CCL24: variants seen among roughly 807,000 people sequenced by gnomAD.
The protein encoded by CCL24 is C-C motif chemokine 24.
CCL24 carries 6 observed loss-of-function variants against 8.6 expected under a neutral mutation model. The observed-to-expected ratio is 0.70, with a 90% CI of 0.38 to 1.38. CCL24 has a LOEUF of 1.38. Ranked by LOEUF, CCL24 falls within the 40% of genes most tolerant of loss-of-function variation. The pLI is 0.02. For synonymous variants in CCL24, 59 were observed against 52.7 expected, an observed-to-expected ratio of 1.12 and a Z score of -0.52; for missense variants, 126 against 147.1, an observed-to-expected ratio of 0.86 and a Z score of 0.74.
chr7:75,812,319 T>A (rs1803786696), intron 2 of CCL24, among the ~76,000 whole-genome samples: 1 of 152,094 alleles, frequency 6.6e-6, no homozygotes, highest in Admixed American at 6.6e-5. Flanking sequence ...ACTCCTGGCC[T>A]TAAGCAACCC....
upstream of CCL24, among the ~76,000 whole-genome samples, chr7:75,818,446 CAAAA>C (rs782549486): frequency 7.1e-5 from 5 of 70,118 alleles, no homozygotes; most frequent in Non-Finnish European, 5.8e-5. Context: ...GACTCCGTCT[CAAAA>C]AAAAAAAAAA....
intron 1 of CCL24, among the ~76,000 whole-genome samples, chr7:75,820,067 CTTCTTCTTCTTCTTCTTCTTCCTCT>C (rs1563353817): frequency 1.5e-5 from 2 of 135,560 alleles, no homozygotes; most frequent in African/African-American, 5.2e-5. Flanking sequence ...TCTTCTTCTT[CTTCTTCTTCTTCTTCTTCTTCCTCT>C]TCTTCTTCTT....
At chr7:75,812,064 C>T (rs1301099478) in intron 2 of CCL24, 100 bp from the exon 3 acceptor site, 21 of 958,974 alleles carry the variant, frequency 2.2e-5, no homozygotes, top group Non-Finnish European at 3.0e-5. Context: ...GACAGTAAGG[C>T]TTCCTTGCAA....
upstream of CCL24, among the ~76,000 whole-genome samples, chr7:75,816,861 CAAAA>C (rs57957590): frequency 8.1e-5 from 8 of 98,332 alleles, no homozygotes; most frequent in Non-Finnish European, 8.5e-5. Flanking sequence ...TGCACCTGGC[CAAAA>C]AAAAAAAAAA....
At chr7:75,820,882 T>C (rs1298758090) in intron 1 of CCL24, among the ~76,000 whole-genome samples, 1 of 150,658 alleles carries the variant, frequency 6.6e-6, no homozygotes, top group African/African-American at 2.4e-5. Context: ...CACTCATCTA[T>C]CCATCCATCC....
rs374594608 is a variant in CCL24, at chr7:75,811,196, A to G, written c.*600T>C. Among the ~76,000 whole-genome samples, 23 of 151,634 alleles carry G rather than the reference A, an allele frequency of 1.5e-4. No individual in the cohort carries two copies. The East Asian group carries it at 2.7e-3, about 18-fold the overall frequency. Reference sequence around the variant, plus strand: ...TTTTTTTCAACATAAAAGTTTGAGTAGGCTGGGTGTGGTGGCTCATGCCTG... The same window carrying G: ...TTTTTTTCAACATAAAAGTTTGAGTGGGCTGGGTGTGGTGGCTCATGCCTG... On this transcript the variant is annotated 3_prime_UTR_variant, in exon 3 of 3. Transcript: ENST00000222902.
upstream of CCL24, among the ~76,000 whole-genome samples, chr7:75,815,876 C>T (rs62477635): frequency 0.13 from 19,166 of 152,232 alleles, 1,453 homozygotes; most frequent in Non-Finnish European, 0.17. Flanking sequence ...GTTCATATTG[C>T]TACTGACAGG....
chr7:75,821,199 G>A (rs1389078387), intron 1 of CCL24, among the ~76,000 whole-genome samples: 1 of 152,192 alleles, frequency 6.6e-6, no homozygotes. Context: ...ACCAAGGGGA[G>A]TTGGGCTTGA....
intron 1 of CCL24, among the ~76,000 whole-genome samples, chr7:75,822,521 C>A (rs192745342): frequency 1.3e-5 from 2 of 152,134 alleles, no homozygotes; most frequent in African/African-American, 4.8e-5. Flanking sequence ...TCTTATTGTC[C>A]CCATGTCACC....
chr7:75,812,010 T>C, intron 2 of CCL24, 46 bp from the exon 3 acceptor site: 7 of 1,553,562 alleles, frequency 4.5e-6, no homozygotes, highest in Non-Finnish European at 6.1e-6. Context: ...GACAGGGACC[T>C]TGGGCCACTC....
chr7:75,816,478 G>A (rs970119884), upstream of CCL24, among the ~76,000 whole-genome samples: 1 of 152,158 alleles, frequency 6.6e-6, no homozygotes, highest in Non-Finnish European at 1.5e-5. Context: ...TGCTGGCAGA[G>A]CAATTAGGGA....
At chr7:75,818,028 A>C (rs1287858444), upstream of CCL24, among the ~76,000 whole-genome samples, 2 of 151,010 alleles carry the variant, frequency 1.3e-5, no homozygotes, top group African/African-American at 4.9e-5. Context: ...GCGGGGTTTC[A>C]CCATGTTGGC....
chr7:75,820,015 ACTACTTCTT>A (rs1421500792), intron 1 of CCL24, among the ~76,000 whole-genome samples: 8 of 84,468 alleles, frequency 9.5e-5, no homozygotes, highest in African/African-American at 2.1e-4. Flanking sequence ...CTTTTAGTAA[ACTACTTCTT>A]CTTCTTCTTC....
At chr7:75,820,018 A>ACTTCTTCTTCTTCTTCTTCTTCTT (rs1204717433) in intron 1 of CCL24, among the ~76,000 whole-genome samples, 6 of 104,896 alleles carry the variant, frequency 5.7e-5, no homozygotes, top group East Asian at 6.4e-4. Flanking sequence ...TTAGTAAACT[A>ACTTCTTCTTCTTCTTCTTCTTCTT]CTTCTTCTTC....
chr7:75,822,910 A>T lies in CCL24; in HGVS notation c.-60+412T>A, dbSNP rs1433510524. Among the ~76,000 whole-genome samples, 11 of 152,326 alleles carry T rather than the reference A, an allele frequency of 7.2e-5. No homozygotes were observed. In the East Asian group the frequency reaches 2.1e-3, roughly 29 times the overall value. On this transcript the variant is annotated intron_variant, in intron 1 of 3. Coordinates refer to the CCL24 transcript ENST00000416943. ...AGACTCCTAAGCCACGATGGGGCAG[A>T]ACTCGTCCTACATCTTCCTGGGAAG...
At chr7:75,820,026 T>TTCC in intron 1 of CCL24, among the ~76,000 whole-genome samples, 1 of 109,890 alleles carries the variant, frequency 9.1e-6, no homozygotes, top group South Asian at 3.3e-4. Flanking sequence ...CTACTTCTTC[T>TTCC]TCTTCTTCTT....
rs1416171611 is a variant in CCL24 at position 75,820,766 on chromosome 7, T to G, written c.-60+2556A>C. Among the ~76,000 whole-genome samples, 5 of 148,170 alleles carry G rather than the reference T, an allele frequency of 3.4e-5. No individual in the cohort carries two copies. The East Asian group carries it at 1.0e-3, about 30-fold the overall frequency. ...ACCCATGCATCCACCCCTCCACCCA[T>G]CCATCCATTCACCCACCCATCTACT... On this transcript the variant is annotated intron_variant, in intron 1 of 3. Transcript: ENST00000416943.
At chr7:75,816,074 G>T (rs1359142305), upstream of CCL24, among the ~76,000 whole-genome samples, 2 of 152,160 alleles carry the variant, frequency 1.3e-5, no homozygotes, top group Non-Finnish European at 2.9e-5. Flanking sequence ...TTGGTGGCCA[G>T]CTGGGTGTCT....
At chr7:75,821,009 C>G (rs1303415748) in intron 1 of CCL24, among the ~76,000 whole-genome samples, 1 of 152,124 alleles carries the variant, frequency 6.6e-6, no homozygotes, top group East Asian at 1.9e-4. Context: ...CCCAGGCATA[C>G]CAAGAAAAAC....
Sources: allele counts gnomAD v4.1 joint callset (sites outside exome capture counted in the v4.1 genomes callset), GRCh38; gene constraint gnomAD v4.1.1; transcripts MANE v1.5; gene names NCBI Gene and HGNC (gene_info 2026-07-23, HGNC 2026-07-21).